MAGI1: variants seen among roughly 807,000 people sequenced by gnomAD.
MAGI1 encodes the protein membrane associated guanylate kinase, WW and PDZ domain containing 1.
A neutral mutation model predicts 139.9 loss-of-function variants in MAGI1; 58 were observed. The ratio of observed to expected loss-of-function variants is 0.41; its 90% confidence interval spans 0.34 to 0.52. The LOEUF is 0.52. Ranked by LOEUF, MAGI1 falls within the 20% of genes least tolerant of loss-of-function variation. The probability of loss-of-function intolerance (pLI) is 0.12; values close to 1 mark genes in which losing one functional copy is unlikely to be tolerated. For synonymous variants in MAGI1, 812 were observed against 737.9 expected, an observed-to-expected ratio of 1.10 and a Z score of -1.63; for missense variants, 1,874 against 1,901.6, an observed-to-expected ratio of 0.99 and a Z score of 0.27.
chr3:66,036,897 C>T (rs1218201121), intron 1 of MAGI1, among the ~76,000 whole-genome samples: 1 of 152,168 alleles, frequency 6.6e-6, no homozygotes, highest in Non-Finnish European at 1.5e-5. Flanking sequence ...TGAGGACAGC[C>T]CCTTGTCTGT....
chr3:65,931,103 G>A (rs2062787248), intron 1 of MAGI1, among the ~76,000 whole-genome samples: 1 of 151,306 alleles, frequency 6.6e-6, no homozygotes, highest in Non-Finnish European at 1.5e-5. Flanking sequence ...CACAGTCTTG[G>A]TTCACTGCAA....
chr3:65,862,639 G>C (rs2059593340), intron 1 of MAGI1, among the ~76,000 whole-genome samples: 1 of 152,084 alleles, frequency 6.6e-6, no homozygotes, highest in East Asian at 1.9e-4. Context: ...ACCATTTCAG[G>C]CTTGGCTTAT....
intron 1 of MAGI1, among the ~76,000 whole-genome samples, chr3:65,747,997 T>C (rs2035842082): frequency 1.3e-5 from 2 of 152,150 alleles, no homozygotes; most frequent in African/African-American, 4.8e-5. Context: ...AATGTGGCTC[T>C]AAACACAGTT....
chr3:65,913,570 A>G (rs2061763678), intron 1 of MAGI1, among the ~76,000 whole-genome samples: 1 of 152,160 alleles, frequency 6.6e-6, no homozygotes, highest in African/African-American at 2.4e-5. Flanking sequence ...CTGTTAGTTC[A>G]CTAATTTGGG....
At chr3:65,891,573 C>T (rs2060748849) in intron 1 of MAGI1, among the ~76,000 whole-genome samples, 1 of 151,776 alleles carries the variant, frequency 6.6e-6, no homozygotes, top group Admixed American at 6.6e-5. Flanking sequence ...GGTTACTTTT[C>T]CCCACTATTT....
intron 1 of MAGI1, among the ~76,000 whole-genome samples, chr3:65,738,529 A>C (rs1414398444): frequency 2.0e-5 from 3 of 152,176 alleles, no homozygotes; most frequent in Non-Finnish European, 4.4e-5. Context: ...GAAGATTTTC[A>C]ACTTACTTTG....
intron 1 of MAGI1, among the ~76,000 whole-genome samples, chr3:65,722,896 G>C (rs549835552): frequency 2.6e-5 from 4 of 152,094 alleles, no homozygotes; most frequent in Admixed American, 2.6e-4. Flanking sequence ...GGGTAGGGGA[G>C]GGGTGGAGGG....
At chr3:65,425,394 A>T (rs1946963923) in intron 12 of MAGI1, among the ~76,000 whole-genome samples, 1 of 152,156 alleles carries the variant, frequency 6.6e-6, no homozygotes, top group South Asian at 2.1e-4. Context: ...AGAAGCCAGG[A>T]TTTAAACTTG....
At chr3:65,373,118 A>G (rs1371360473) in intron 18 of MAGI1, among the ~76,000 whole-genome samples, 1 of 152,180 alleles carries the variant, frequency 6.6e-6, no homozygotes, top group African/African-American at 2.4e-5. Flanking sequence ...AGCTTTTGAC[A>G]TGCCTTCCCT....
At chr3:65,747,869 C>G (rs2035829041) in intron 1 of MAGI1, among the ~76,000 whole-genome samples, 1 of 152,116 alleles carries the variant, frequency 6.6e-6, no homozygotes, top group Admixed American at 6.5e-5. Context: ...GTTTGAGAAC[C>G]ACTGGCCTAC....
At chr3:65,838,744 A>G (rs1349469193) in intron 1 of MAGI1, among the ~76,000 whole-genome samples, 1 of 152,226 alleles carries the variant, frequency 6.6e-6, no homozygotes, top group Non-Finnish European at 1.5e-5. Context: ...GTGAATGCCT[A>G]GGAATATGAC....
At chr3:65,600,846 C>T (rs949808944) in intron 2 of MAGI1, among the ~76,000 whole-genome samples, 1 of 152,174 alleles carries the variant, frequency 6.6e-6, no homozygotes, top group Non-Finnish European at 1.5e-5. Flanking sequence ...TGACCACTTG[C>T]GAGGCAGTAG....
chr3:65,637,254 GA>G (rs1005929652), intron 1 of MAGI1, among the ~76,000 whole-genome samples: 3 of 151,066 alleles, frequency 2.0e-5, no homozygotes, highest in East Asian at 1.9e-4. Flanking sequence ...GAGCATATTA[GA>G]AAAAAAAATA....
chr3:65,734,502 G>GAAA (rs2034516919), intron 1 of MAGI1, among the ~76,000 whole-genome samples: 1 of 85,274 alleles, frequency 1.2e-5, no homozygotes, highest in African/African-American at 6.4e-5. Context: ...AGAGAAAGAG[G>GAAA]AAGAGAGAGA....
chr3:65,458,581 A>T (rs1248983256), intron 5 of MAGI1, among the ~76,000 whole-genome samples: 1 of 152,020 alleles, frequency 6.6e-6, no homozygotes, highest in Non-Finnish European at 1.5e-5. Context: ...GCACCTTTTC[A>T]CATATCTGTC....
rs371104306 is a variant in MAGI1, at chr3:65,379,590, C to G, written c.2702-36G>C. 334 of 1,574,398 alleles carry G rather than the reference C, an allele frequency of 2.1e-4. No individual in the cohort carries two copies. In the African/African-American group the frequency reaches 4.0e-3, roughly 19 times the overall value. On this transcript the variant is annotated intron_variant, in intron 16 of 22. Coordinates refer to ENST00000402939, the MANE Select transcript of MAGI1 (RefSeq NM_001033057.2). ...GAGATGCACGCGTACATCACCGTGT[C>G]CTGCAGCCCCTCCATCCTGCTGCCC...
chr3:65,508,239 T>C (rs576953988), intron 2 of MAGI1, among the ~76,000 whole-genome samples: 12 of 152,046 alleles, frequency 7.9e-5, no homozygotes, highest in African/African-American at 2.9e-4. Flanking sequence ...CCGTCTCTAC[T>C]AAAAATACGA....
At chr3:65,596,301 C>A (rs2082192995) in intron 2 of MAGI1, among the ~76,000 whole-genome samples, 2 of 152,140 alleles carry the variant, frequency 1.3e-5, no homozygotes, top group Non-Finnish European at 1.5e-5. Context: ...TGCCCTCATG[C>A]AAAAGCTTCC....
intron 1 of MAGI1, among the ~76,000 whole-genome samples, chr3:66,019,485 T>G (rs961297564): frequency 2.0e-5 from 3 of 152,232 alleles, no homozygotes; most frequent in Non-Finnish European, 4.4e-5. Flanking sequence ...CAGCACAGGC[T>G]CTGCAATTAG....
Sources: gnomAD v4.1 joint callset for allele counts (sites outside exome capture counted in the v4.1 genomes callset) on GRCh38, gnomAD v4.1.1 for gene constraint, MANE v1.5 for transcripts, NCBI Gene and HGNC (gene_info 2026-07-23, HGNC 2026-07-21) for gene names.